Variants in HMCN1 observed in about 807,000 individuals in gnomAD.
HMCN1 encodes the protein hemicentin 1.
A neutral mutation model predicts 625.9 loss-of-function variants in HMCN1; 321 were observed. The ratio of observed to expected loss-of-function variants is 0.51; its 90% CI spans 0.47 to 0.56. The LOEUF (loss-of-function observed/expected upper bound fraction) is 0.56. HMCN1 is among the 20% of genes least tolerant of loss of function. HMCN1 has a pLI of 0.00. For synonymous variants in HMCN1, 2,425 were observed against 2,417.6 expected, an observed-to-expected ratio of 1.00 and a Z score of -0.09; for missense variants, 6,588 against 6,887.3, an observed-to-expected ratio of 0.96 and a Z score of 1.54.
At chr1:186,080,814 G>C (rs892497310) in intron 55 of HMCN1, among the ~76,000 whole-genome samples, 3 of 152,104 alleles carry the variant, frequency 2.0e-5, no homozygotes, top group Non-Finnish European at 4.4e-5. Context: ...TAATTTTTCT[G>C]TCCCCTCTGG....
At chr1:185,968,617 A>T (rs1363817137) in intron 14 of HMCN1, among the ~76,000 whole-genome samples, 2 of 151,954 alleles carry the variant, frequency 1.3e-5, no homozygotes, top group African/African-American at 4.8e-5. Context: ...ATTTGAAAAG[A>T]TCTTATGCCA....
At chr1:185,990,033 G>GA (rs1339826262) in intron 21 of HMCN1, among the ~76,000 whole-genome samples, 1 of 152,142 alleles carries the variant, frequency 6.6e-6, no homozygotes, top group Non-Finnish European at 1.5e-5. Flanking sequence ...TAGACTCTGA[G>GA]AGGGCATTGC....
intron 1 of HMCN1, among the ~76,000 whole-genome samples, chr1:185,843,466 G>T (rs894879807): frequency 4.6e-5 from 7 of 152,172 alleles, no homozygotes; most frequent in African/African-American, 1.7e-4. Context: ...CAGGCAGGAA[G>T]AGAGGACAAA....
chr1:186,183,674 A>C (rs1653090306), intron 105 of HMCN1, among the ~76,000 whole-genome samples: 1 of 152,146 alleles, frequency 6.6e-6, no homozygotes, highest in Non-Finnish European at 1.5e-5. Context: ...CCATTCTAAA[A>C]CTAATTATCA....
chr1:185,968,929 C>T (rs1190755679), intron 14 of HMCN1, among the ~76,000 whole-genome samples: 1 of 152,046 alleles, frequency 6.6e-6, no homozygotes, highest in Non-Finnish European at 1.5e-5. Context: ...AAAACAGAAA[C>T]TTAATTGAAC....
intron 4 of HMCN1, among the ~76,000 whole-genome samples, chr1:185,884,611 C>G (rs57289095): frequency 0.063 from 9,646 of 152,006 alleles, 1,075 homozygotes; most frequent in African/African-American, 0.22. Context: ...TGCCTAATGG[C>G]TTTAGTTATT....
At chr1:186,043,430 T>G (rs1656343253) in intron 40 of HMCN1, among the ~76,000 whole-genome samples, 1 of 152,182 alleles carries the variant, frequency 6.6e-6, no homozygotes. Flanking sequence ...TCCATTGTTT[T>G]TGCATTTTTT....
At chr1:185,743,977 GTTTTGTTTTTTT>G (rs1427252494) in intron 1 of HMCN1, among the ~76,000 whole-genome samples, 128 of 99,766 alleles carry the variant, frequency 1.3e-3, no homozygotes, top group Admixed American at 4.9e-3. Context: ...TGACTTTACT[GTTTTGTTTTTTT>G]TTTTTTTTTT....
At chr1:185,825,187 T>C (rs1660440437) in intron 1 of HMCN1, among the ~76,000 whole-genome samples, 2 of 152,150 alleles carry the variant, frequency 1.3e-5, no homozygotes, top group Admixed American at 1.3e-4. Flanking sequence ...GGAGGGGTAC[T>C]TCCAAGTGTA....
chr1:186,051,650 A>T (rs1656960096), intron 42 of HMCN1, among the ~76,000 whole-genome samples: 2 of 152,040 alleles, frequency 1.3e-5, no homozygotes, highest in Non-Finnish European at 2.9e-5. Context: ...AACAGAGTAA[A>T]CTGTAGGACT....
At chr1:185,753,231 G>A (rs1263534135) in intron 1 of HMCN1, among the ~76,000 whole-genome samples, 1 of 152,002 alleles carries the variant, frequency 6.6e-6, no homozygotes, top group Non-Finnish European at 1.5e-5. Context: ...CATATTTGAC[G>A]GTTAAACTAA....
At chr1:186,083,362 A>G (rs1475229325) in intron 57 of HMCN1, among the ~76,000 whole-genome samples, 1 of 152,072 alleles carries the variant, frequency 6.6e-6, no homozygotes, top group Non-Finnish European at 1.5e-5. Context: ...TATGTCCTCT[A>G]GTAACTAATA....
At chr1:185,945,043 AATAAC>A (rs1026283656) in intron 11 of HMCN1, among the ~76,000 whole-genome samples, 2 of 152,238 alleles carry the variant, frequency 1.3e-5, no homozygotes, top group Non-Finnish European at 2.9e-5. Context: ...TGTTGTATAT[AATAAC>A]ATAAATAACT....
rs765794058 is a variant in HMCN1 at position 186,088,244 on chromosome 1, C to T, written c.9545C>T (p.Thr3182Met). The T allele has an allele frequency of 1.2e-5, 20 of 1,612,724 alleles. No individual in the cohort carries two copies. The highest frequency in any genetic ancestry group is 5.3e-5 in the African/African-American group (4 of 74,826). Residue 3182 changes from threonine (T) to methionine (M), a missense_variant, in exon 62 of 107, where the codon ACG (threonine) becomes ATG (methionine). Physicochemically the swap from Thr to Met is moderately conservative, Grantham distance 81. Coordinates refer to ENST00000271588, the MANE Select transcript of HMCN1 (RefSeq NM_031935.3). ...GATGCCACTGGGATCCCACCTCCCA[C>T]GATAGCATGGTTAAAGAACCACAAG... is the stretch of plus-strand genomic sequence containing the variant. ...TCDATGIPPP[T>M]IAWLKNHKRI...
intron 55 of HMCN1, among the ~76,000 whole-genome samples, chr1:186,080,543 T>C (rs1296109355): frequency 1.3e-5 from 2 of 152,118 alleles, no homozygotes; most frequent in Admixed American, 1.3e-4. Context: ...TGTAGAAAAA[T>C]CTAGAGTGGG....
chr1:185,782,490 G>T (rs1161057396), intron 1 of HMCN1, among the ~76,000 whole-genome samples: 2 of 152,212 alleles, frequency 1.3e-5, no homozygotes, highest in Non-Finnish European at 2.9e-5. Context: ...GGTATCAGTT[G>T]TTTCTTTCCA....
intron 30 of HMCN1, 145 bp downstream of exon 30, chr1:186,007,427 G>A (rs1653716729): frequency 2.8e-6 from 2 of 718,238 alleles, no homozygotes; most frequent in African/African-American, 1.8e-5. Flanking sequence ...ATCTTCATGT[G>A]TTTTAAAAGG....
intron 4 of HMCN1, among the ~76,000 whole-genome samples, chr1:185,866,397 ATT>A (rs969071873): frequency 0.024 from 2,411 of 102,504 alleles, 33 homozygotes; most frequent in African/African-American, 0.089. Context: ...GTTTGTCATA[ATT>A]TTTTTTTTTT....
chr1:186,162,981 TTTTG>T (rs1405417724), intron 97 of HMCN1, among the ~76,000 whole-genome samples: 10 of 152,288 alleles, frequency 6.6e-5, no homozygotes, highest in African/African-American at 1.2e-4. Context: ...TTATTGCTCT[TTTTG>T]TTTGTCTGTG....
Sources: allele counts gnomAD v4.1 joint callset (sites outside exome capture counted in the v4.1 genomes callset), GRCh38; gene constraint gnomAD v4.1.1; transcripts MANE v1.5; gene names NCBI Gene and HGNC (gene_info 2026-07-23, HGNC 2026-07-21).